Variants in GNAL observed in about 807,000 individuals in gnomAD.
GNAL encodes G protein subunit alpha L.
GNAL carries 18 observed loss-of-function variants against 55.1 expected under a neutral mutation model. That is an observed-to-expected ratio of 0.33 (90% CI 0.23 to 0.48). The LOEUF is 0.48. Among genes scored for constraint, GNAL ranks in the 20% least tolerant of loss-of-function variants. The pLI, the probability that GNAL is intolerant of heterozygous loss-of-function variation, is 0.99. For synonymous variants in GNAL, 253 were observed against 237.0 expected (o/e 1.07, Z -0.62); for missense variants, 412 against 614.1 (o/e 0.67, Z 3.48).
chr18:11,716,713 C>A (rs2031975358), intron 1 of GNAL, among the ~76,000 whole-genome samples: 2 of 152,208 alleles, frequency 1.3e-5, no homozygotes, highest in African/African-American at 4.8e-5. Context: ...TAGCTAGATA[C>A]AGAGTGTCGA....
At chr18:11,851,552 C>T (rs753226487) in intron 5 of GNAL, 13 of 1,607,702 alleles carry the variant, frequency 8.1e-6, no homozygotes, top group Non-Finnish European at 1.1e-5. Context: ...CTGAAGTTCG[C>T]GGCCAAAGAA....
intron 5 of GNAL, chr18:11,851,676 C>CA (rs770799777): frequency 6.2e-7 from 1 of 1,614,028 alleles, no homozygotes; most frequent in East Asian, 2.2e-5. Flanking sequence ...CCGAAAATGC[C>CA]ATCCGCCAGA....
At chr18:11,852,383 C>T (rs2035896530) in intron 5 of GNAL, 3 of 409,466 alleles carry the variant, frequency 7.3e-6, no homozygotes, top group Non-Finnish European at 1.4e-5. Context: ...ATGAATCTTT[C>T]TCGAAGATCT....
At chr18:11,701,512 G>T (rs2031568938) in intron 1 of GNAL, among the ~76,000 whole-genome samples, 1 of 143,790 alleles carries the variant, frequency 7.0e-6, no homozygotes, top group Admixed American at 7.2e-5. Context: ...GTTGCAATGA[G>T]CCAAGAGTGC....
intron 5 of GNAL, chr18:11,852,191 TAG>T (rs1238620552): frequency 2.8e-6 from 4 of 1,440,344 alleles, no homozygotes; most frequent in African/African-American, 2.9e-5. Flanking sequence ...TACTATACCC[TAG>T]AAACTCTGAA....
At chr18:11,784,542 A>G (rs559755915) in intron 4 of GNAL, among the ~76,000 whole-genome samples, 1 of 152,350 alleles carries the variant, frequency 6.6e-6, no homozygotes, top group South Asian at 2.1e-4. Flanking sequence ...ATGATTATGT[A>G]TTGCTTGAGC....
chr18:11,794,395 C>T (rs945909750), intron 4 of GNAL, among the ~76,000 whole-genome samples: 1 of 152,192 alleles, frequency 6.6e-6, no homozygotes, highest in Non-Finnish European at 1.5e-5. Flanking sequence ...TATTACTCAG[C>T]CATCAAAAGG....
intron 1 of GNAL, among the ~76,000 whole-genome samples, chr18:11,701,574 A>T (rs2031571990): frequency 6.6e-6 from 1 of 151,908 alleles, no homozygotes; most frequent in Non-Finnish European, 1.5e-5. Context: ...AAAAAAAAAA[A>T]AAAAAAAGCA....
At chr18:11,779,469 G>T (rs2033871215) in intron 4 of GNAL, among the ~76,000 whole-genome samples, 1 of 152,202 alleles carries the variant, frequency 6.6e-6, no homozygotes, top group Admixed American at 6.5e-5. Flanking sequence ...GCTGACTAAA[G>T]CTTGTGTGGC....
chr18:11,879,125 A>T (rs142703295), intron 11 of GNAL, among the ~76,000 whole-genome samples: 32 of 149,978 alleles, frequency 2.1e-4, no homozygotes, highest in African/African-American at 7.3e-4. Context: ...ATATATTAAA[A>T]ATATATATAT....
At chr18:11,860,820 T>C (rs138396476) in intron 5 of GNAL, among the ~76,000 whole-genome samples, 525 of 152,248 alleles carry the variant, frequency 3.4e-3, no homozygotes, top group Middle Eastern at 0.01. Context: ...GGCAGGCACG[T>C]TTCTTAGGGA....
Position 11,864,146 on chromosome 18 carries a change from G to A in GNAL, c.778-387G>A, listed in dbSNP as rs372680094. On this transcript the variant is annotated intron_variant, in intron 6 of 11. Transcript: ENST00000334049. ...TCGTCACCCAGGCTGGAATGCAATG[G>A]CGCGATCTCAGCTCCCTGCAACTTC... Among the ~76,000 whole-genome samples, 72 of 148,936 alleles carry A rather than the reference G, an allele frequency of 4.8e-4. No individual in the cohort carries two copies. In the South Asian group the frequency reaches 5.0e-3, roughly 10 times the overall value.
chr18:11,689,493 C>T lies in GNAL; in HGVS notation c.-71C>T, dbSNP rs554303443. 2 of 722,226 alleles carry T rather than the reference C, an allele frequency of 2.8e-6. No individual in the cohort carries two copies. The highest frequency in any genetic ancestry group is 3.8e-6 in the Non-Finnish European group (2 of 526,280). The allele number at this position is 722,226 out of a possible 1,614,324, so 44.7% of individuals were successfully genotyped here. A position where few individuals can be genotyped will look rare whatever the true frequency, so the allele number is the denominator to read the frequency against. On this transcript the variant is annotated 5_prime_UTR_variant, in exon 1 of 12. Transcript: ENST00000334049. The stretch of plus-strand genomic sequence containing the variant: ...CTGAGGCGCCGGCCTGAACTGGGCG[C>T]GGGAACCAGGCCGCCCTCGGCGCCC...
intron 4 of GNAL, among the ~76,000 whole-genome samples, chr18:11,781,592 T>C (rs1327174784): frequency 6.6e-6 from 1 of 152,220 alleles, no homozygotes; most frequent in African/African-American, 2.4e-5. Flanking sequence ...TTTAAAAACA[T>C]CATTTTATAT....
intron 4 of GNAL, among the ~76,000 whole-genome samples, chr18:11,811,227 G>T (rs1411153280): frequency 1.3e-5 from 2 of 152,036 alleles, no homozygotes; most frequent in African/African-American, 4.8e-5. Context: ...CCCTCCCCAC[G>T]GCTGATCGCC....
chr18:11,732,594 CA>C (rs1278063576), intron 1 of GNAL, among the ~76,000 whole-genome samples: 1 of 151,394 alleles, frequency 6.6e-6, no homozygotes, highest in African/African-American at 2.5e-5. Context: ...GGTATCTGTT[CA>C]AAAAGGAATA....
chr18:11,768,240 G>A (rs2033473980), intron 4 of GNAL, among the ~76,000 whole-genome samples: 2 of 152,148 alleles, frequency 1.3e-5, no homozygotes, highest in Admixed American at 1.3e-4. Flanking sequence ...TTACACAAAG[G>A]AAGTGTTAGT....
At chr18:11,825,872 A>G (rs1458677086) in intron 5 of GNAL, among the ~76,000 whole-genome samples, 3 of 152,176 alleles carry the variant, frequency 2.0e-5, no homozygotes, top group Non-Finnish European at 2.9e-5. Context: ...CCTTAGAACA[A>G]TGTTAAATTA....
intron 1 of GNAL, among the ~76,000 whole-genome samples, chr18:11,690,860 T>G (rs1246425278): frequency 6.6e-6 from 1 of 151,582 alleles, no homozygotes; most frequent in African/African-American, 2.4e-5. Context: ...AGTCTATCAT[T>G]GTTGGACATT....
Sources: gnomAD v4.1 joint callset for allele counts (sites outside exome capture counted in the v4.1 genomes callset) on GRCh38, gnomAD v4.1.1 for gene constraint, MANE v1.5 for transcripts, NCBI Gene and HGNC (gene_info 2026-07-23, HGNC 2026-07-21) for gene names.